The following ASIC5 variants were observed in gnomAD, a reference collection of about 807,000 sequenced individuals.
ASIC5 encodes bile acid-sensitive ion channel.
ASIC5 carries 52 observed loss-of-function variants against 51.2 expected under a neutral mutation model. The ratio of observed to expected loss-of-function variants is 1.02; its 90% CI spans 0.81 to 1.28. The LOEUF (loss-of-function observed/expected upper bound fraction) is 1.28, where lower values mean the gene tolerates loss of function less well. Ranked by LOEUF, ASIC5 falls within the 50% of genes most tolerant of loss-of-function variation. ASIC5 has a pLI of 0.00. For synonymous variants in ASIC5, 231 were observed against 200.7 expected, an observed-to-expected ratio of 1.15 and a Z score of -1.28; for missense variants, 635 against 595.0, an observed-to-expected ratio of 1.07 and a Z score of -0.70.
chr4:155,831,072 T>C (rs1328899245), intron 9 of ASIC5, among the ~76,000 whole-genome samples: 1 of 152,170 alleles, frequency 6.6e-6, no homozygotes, highest in Non-Finnish European at 1.5e-5. Context: ...TCTAGGAAAT[T>C]AGCCATTATG....
intron 6 of ASIC5, among the ~76,000 whole-genome samples, chr4:155,840,510 T>G (rs1741092965): frequency 6.7e-6 from 1 of 148,692 alleles, no homozygotes; most frequent in African/African-American, 2.4e-5. Context: ...TTTTATATAT[T>G]TTTTACTTTT....
chr4:155,849,708 T>A (rs1165895498), intron 4 of ASIC5, among the ~76,000 whole-genome samples: 2 of 152,044 alleles, frequency 1.3e-5, no homozygotes, highest in African/African-American at 4.8e-5. Flanking sequence ...ATGTTTTCAA[T>A]TTTTTTCTTT....
intron 8 of ASIC5, among the ~76,000 whole-genome samples, chr4:155,835,412 GAAA>G (rs11304781): frequency 4.3e-5 from 6 of 139,132 alleles, no homozygotes; most frequent in South Asian, 4.5e-4. Context: ...CTGAGTTTTG[GAAA>G]AAAAAAAAAA....
intron 2 of ASIC5, among the ~76,000 whole-genome samples, chr4:155,861,517 A>G (rs1741704940): frequency 6.6e-6 from 1 of 151,972 alleles, no homozygotes; most frequent in Non-Finnish European, 1.5e-5. Flanking sequence ...GAAGGTTGAC[A>G]TACCTTTTTC....
intron 4 of ASIC5, among the ~76,000 whole-genome samples, chr4:155,848,516 T>C (rs1218108141): frequency 6.6e-6 from 1 of 152,206 alleles, no homozygotes; most frequent in Non-Finnish European, 1.5e-5. Flanking sequence ...GTGTACATTA[T>C]CAATAATAAT....
intron 1 of ASIC5, among the ~76,000 whole-genome samples, chr4:155,865,361 A>G (rs1741835605): frequency 1.3e-5 from 2 of 152,146 alleles, no homozygotes; most frequent in South Asian, 2.1e-4. Flanking sequence ...TTAGCAAAAT[A>G]TATTTAAATA....
At chr4:155,837,273 A>C (rs1741006596) in intron 7 of ASIC5, among the ~76,000 whole-genome samples, 1 of 152,062 alleles carries the variant, frequency 6.6e-6, no homozygotes, top group Non-Finnish European at 1.5e-5. Context: ...AAAGTGTGTA[A>C]ACATCTTCAG....
At chr4:155,861,346 C>T (rs1741700995) in intron 2 of ASIC5, among the ~76,000 whole-genome samples, 1 of 151,864 alleles carries the variant, frequency 6.6e-6, no homozygotes, top group Admixed American at 6.6e-5. Context: ...CTATTGATTA[C>T]TAAAAGTGGG....
intron 1 of ASIC5, 89 bp downstream of exon 1, chr4:155,866,098 C>T (rs1741855765): frequency 6.4e-6 from 5 of 780,384 alleles, no homozygotes; most frequent in Non-Finnish European, 8.2e-6. Flanking sequence ...TCAAATTTCC[C>T]AAATGAAGAA....
Position 155,852,160 on chromosome 4 carries a change from G to A in ASIC5, c.711+31C>T, listed in dbSNP as rs373354327. The A allele has an allele frequency of 8.5e-5, 137 of 1,610,690 alleles. No individual in the cohort carries two copies. The African/African-American group carries it at 1.2e-3, about 14-fold the overall frequency. ...GTTTTTGAAACCCCCACACATTCTC[G>A]TTTGTCTTGAACCTGGAGAAAATTC... is the stretch of plus-strand genomic sequence containing the variant. On this transcript the variant is annotated intron_variant, in intron 4 of 9. Coordinates refer to ENST00000537611, the MANE Select transcript of ASIC5 (RefSeq NM_017419.3).
chr4:155,857,889 C>T (rs1032815040), intron 2 of ASIC5, among the ~76,000 whole-genome samples: 1 of 152,020 alleles, frequency 6.6e-6, no homozygotes, highest in Non-Finnish European at 1.5e-5. Flanking sequence ...GTATGAGAAG[C>T]AATGATTTTA....
At chr4:155,852,349 C>G in intron 3 of ASIC5, 33 bp from the exon 4 acceptor site, 2 of 1,563,784 alleles carry the variant, frequency 1.3e-6, no homozygotes, top group Non-Finnish European at 1.7e-6. Context: ...AAAAAACCAT[C>G]AATTTGATAT....
At chr4:155,849,066 A>G (rs887710063) in intron 4 of ASIC5, among the ~76,000 whole-genome samples, 1 of 152,120 alleles carries the variant, frequency 6.6e-6, no homozygotes, top group Non-Finnish European at 1.5e-5. Context: ...CACTTGTAAC[A>G]GGACACAATT....
chr4:155,856,248 C>A (rs57721795), intron 2 of ASIC5, among the ~76,000 whole-genome samples: 5,234 of 152,126 alleles, frequency 0.034, 201 homozygotes, highest in South Asian at 0.1. Context: ...ATTAATAAAT[C>A]TGCCTCATGT....
chr4:155,844,055 C>T (rs1326397765), intron 4 of ASIC5, among the ~76,000 whole-genome samples: 1 of 152,076 alleles, frequency 6.6e-6, no homozygotes, highest in Admixed American at 6.6e-5. Flanking sequence ...GTGGGGTCTA[C>T]TCAGGACAGT....
chr4:155,838,469 A>G (rs1741042807), intron 7 of ASIC5, among the ~76,000 whole-genome samples: 1 of 152,178 alleles, frequency 6.6e-6, no homozygotes, highest in Non-Finnish European at 1.5e-5. Context: ...TCAGTAATAA[A>G]ACTTCTATTT....
Position 155,843,726 on chromosome 4 carries a change from C to A in ASIC5, c.816G>T (p.Leu272Phe), listed in dbSNP as rs570431478. The change falls in exon 5 of 10, where the codon TTG becomes TTT. Residue 272 changes from leucine (L) to phenylalanine (F), a missense_variant. Leu to Phe is a conservative substitution (Grantham distance 22). Coordinates refer to ENST00000537611, the MANE Select transcript of ASIC5 (RefSeq NM_017419.3). ...KVPQFDGLGL[L>F]SPVGMHARVT... ...CCCTTGCGTGCATTCCCACAGGTGACAACAAGCCTAACCCATCAAACTGTG... is the reference window on the plus strand; with the variant it reads ...CCCTTGCGTGCATTCCCACAGGTGAAAACAAGCCTAACCCATCAAACTGTG... The A allele has an allele frequency of 1.2e-6, 2 of 1,613,588 alleles. No individual in the cohort carries two copies. Among genetic ancestry groups the A allele is most frequent in the South Asian group, 1.1e-5 (1 of 91,048 alleles).
At chr4:155,844,412 T>C (rs1261298018) in intron 4 of ASIC5, among the ~76,000 whole-genome samples, 2 of 151,904 alleles carry the variant, frequency 1.3e-5, no homozygotes, top group Admixed American at 1.3e-4. Flanking sequence ...CAGAGAGCAG[T>C]TTTCAGCTTG....
At chr4:155,835,054 G>A (rs532190480) in intron 8 of ASIC5, among the ~76,000 whole-genome samples, 4 of 152,230 alleles carry the variant, frequency 2.6e-5, no homozygotes, top group South Asian at 4.1e-4. Context: ...CTTCGAGCCC[G>A]TGTGTAATCC....
Sources: allele counts gnomAD v4.1 joint callset (sites outside exome capture counted in the v4.1 genomes callset), GRCh38; gene constraint gnomAD v4.1.1; transcripts MANE v1.5; gene names NCBI Gene and HGNC (gene_info 2026-07-23, HGNC 2026-07-21).